Variants in ZCCHC14 observed in about 807,000 individuals in gnomAD.
The protein encoded by ZCCHC14 is zinc finger CCHC-type containing 14.
A neutral mutation model predicts 85.0 loss-of-function variants in ZCCHC14; 16 were observed. That is an observed-to-expected ratio of 0.19 (90% CI 0.13 to 0.29). The LOEUF is 0.29. Ranked by LOEUF, ZCCHC14 falls within the 10% of genes least tolerant of loss-of-function variation. ZCCHC14 has a pLI of 1.00. For synonymous variants in ZCCHC14, 775 were observed against 630.7 expected (o/e 1.23, Z -3.43); for missense variants, 1,303 against 1,443.5 (o/e 0.90, Z 1.58).
intron 2 of ZCCHC14, among the ~76,000 whole-genome samples, chr16:87,439,592 C>G (rs1277579141): frequency 1.3e-5 from 2 of 152,242 alleles, no homozygotes; most frequent in African/African-American, 4.8e-5. Flanking sequence ...AGACACCTCA[C>G]TCTGATTTGA....
intron 4 of ZCCHC14, among the ~76,000 whole-genome samples, chr16:87,421,128 T>C (rs1909073846): frequency 6.6e-6 from 1 of 152,168 alleles, no homozygotes; most frequent in African/African-American, 2.4e-5. Flanking sequence ...CCAACAGAAA[T>C]GCCGGAGCCC....
chr16:87,448,634 T>G (rs1910550140), intron 2 of ZCCHC14, among the ~76,000 whole-genome samples: 1 of 152,184 alleles, frequency 6.6e-6, no homozygotes, highest in South Asian at 2.1e-4. Flanking sequence ...TTTGCTCTGG[T>G]GGTCACTTTT....
chr16:87,491,708 C>T lies in ZCCHC14; in HGVS notation c.531G>A (p.Gly177=). The part of the protein sequence containing the change: ...GGGHGGKGAP[G]PGGALPTCPA... ...GGCAAGTGGGCAGCGCGCCGCCCGG[C>T]CCGGGCGCGCCCTTGCCGCCGTGGC... The change falls in exon 1 of 13, where the codon GGG becomes GGA. Residue 177 remains glycine, a synonymous_variant. Coordinates refer to ENST00000671377, the MANE Select transcript of ZCCHC14 (RefSeq NM_015144.3). This position sits in a 1 kb window ranked among gnomAD's most constrained non-coding sequence, Gnocchi z 5.9. The T allele has an allele frequency of 3.3e-6, 5 of 1,497,678 alleles. No homozygotes were observed. The highest frequency in any genetic ancestry group is 4.4e-6 in the Non-Finnish European group (5 of 1,131,554). 92.8% of individuals were successfully genotyped at this position (1,497,678 alleles called of 1,614,324 possible).
intron 3 of ZCCHC14, among the ~76,000 whole-genome samples, chr16:87,429,805 C>A (rs910566641): frequency 3.3e-5 from 5 of 152,206 alleles, no homozygotes; most frequent in African/African-American, 1.2e-4. Flanking sequence ...GAGGGTTTTG[C>A]CATCTTGGCT....
intron 1 of ZCCHC14, among the ~76,000 whole-genome samples, chr16:87,489,672 A>C (rs554167244): frequency 2.0e-5 from 3 of 152,238 alleles, no homozygotes; most frequent in Admixed American, 2.0e-4. Context: ...TGGCCTTGGG[A>C]CTGGGGTGTA....
At chr16:87,483,882 A>G (rs548478464) in intron 1 of ZCCHC14, among the ~76,000 whole-genome samples, 1 of 152,224 alleles carries the variant, frequency 6.6e-6, no homozygotes, top group Non-Finnish European at 1.5e-5. Flanking sequence ...CATGTAGGTG[A>G]TATGTATATA....
At chr16:87,424,832 C>G (rs1670350371) in intron 3 of ZCCHC14, among the ~76,000 whole-genome samples, 1 of 152,076 alleles carries the variant, frequency 6.6e-6, no homozygotes. Context: ...GAGGCCAGGT[C>G]AGGAAGGGAC....
chr16:87,467,485 T>C (rs1911578866), intron 1 of ZCCHC14: 2 of 1,606,138 alleles, frequency 1.2e-6, no homozygotes, highest in South Asian at 1.1e-5. Context: ...GGAGGACAGA[T>C]GTACCACTAT....
chr16:87,492,907 C>CGCGGCGGCGGCGGCGACG lies in ZCCHC14; in HGVS notation c.-687_-670dup, dbSNP rs1343606139. On this transcript the variant is annotated 5_prime_UTR_variant, in exon 1 of 13. Transcript: ENST00000671377. This position sits in a 1 kb window ranked among gnomAD's most constrained non-coding sequence, Gnocchi z 6.7. ...CGCGGCGGACGGATCCGGGCCCGAG[C>CGCGGCGGCGGCGGCGACG]GCGGCGGCGGCGGCGACGGCGACGG... 1.0e-4 allele frequency among the ~76,000 whole-genome samples: 15 copies of CGCGGCGGCGGCGGCGACG among 148,084 alleles called. No homozygotes were observed. Among genetic ancestry groups the CGCGGCGGCGGCGGCGACG allele is most frequent in the Admixed American group, 6.7e-4 (10 of 15,000 alleles).
chr16:87,481,553 A>G (rs1323968540), intron 1 of ZCCHC14, among the ~76,000 whole-genome samples: 241 of 3,916 alleles, frequency 0.062, no homozygotes, highest in Admixed American at 0.078. Context: ...GGGGGGGGGG[A>G]AGGGTAAGCG....
chr16:87,449,158 G>C (rs1315626172), intron 2 of ZCCHC14, among the ~76,000 whole-genome samples: 1 of 152,172 alleles, frequency 6.6e-6, no homozygotes, highest in Non-Finnish European at 1.5e-5. Flanking sequence ...GCTCATCTTG[G>C]GTGCTCCTGA....
chr16:87,413,924 G>C (rs1908624787), intron 10 of ZCCHC14, among the ~76,000 whole-genome samples: 1 of 152,232 alleles, frequency 6.6e-6, no homozygotes, highest in African/African-American at 2.4e-5. Flanking sequence ...AGCAACTTCA[G>C]GGAGGTGACT....
intron 2 of ZCCHC14, among the ~76,000 whole-genome samples, chr16:87,455,887 C>T (rs2150755008): frequency 6.6e-6 from 1 of 152,202 alleles, no homozygotes; most frequent in East Asian, 1.9e-4. Context: ...ATTTTGCCCA[C>T]CTGCAGGCTA....
intron 1 of ZCCHC14, among the ~76,000 whole-genome samples, chr16:87,476,057 G>C (rs531401032): frequency 6.6e-6 from 1 of 152,192 alleles, no homozygotes; most frequent in Non-Finnish European, 1.5e-5. Context: ...GAGAGACAGG[G>C]TCTCGACTTC....
chr16:87,444,172 C>T (rs1328128187), intron 2 of ZCCHC14, among the ~76,000 whole-genome samples: 1 of 152,130 alleles, frequency 6.6e-6, no homozygotes, highest in African/African-American at 2.4e-5. Context: ...CAGATTTTGG[C>T]TTCTAAAACC....
chr16:87,437,760 C>G (rs563141341), intron 2 of ZCCHC14, among the ~76,000 whole-genome samples: 17 of 152,332 alleles, frequency 1.1e-4, no homozygotes, highest in Admixed American at 5.2e-4. Flanking sequence ...GATCACACAG[C>G]CTTCGATAAA....
At chr16:87,447,478 ACACGGGCCCTGCTTT>A (rs1910498479) in intron 2 of ZCCHC14, among the ~76,000 whole-genome samples, 1 of 152,224 alleles carries the variant, frequency 6.6e-6, no homozygotes. Flanking sequence ...ACAGGACCAT[ACACGGGCCCTGCTTT>A]CATTCAACAT....
At chr16:87,482,286 G>A (rs1301663520) in intron 1 of ZCCHC14, among the ~76,000 whole-genome samples, 2 of 152,162 alleles carry the variant, frequency 1.3e-5, no homozygotes, top group African/African-American at 4.8e-5. Flanking sequence ...AACCACAGCT[G>A]AAAAGGTCAC....
chr16:87,476,112 G>A (rs35808515), intron 1 of ZCCHC14, among the ~76,000 whole-genome samples: 25,612 of 152,168 alleles, frequency 0.17, 3,158 homozygotes, highest in South Asian at 0.58. Flanking sequence ...AGGACCTCAC[G>A]TCCAGTGCAA....
Sources: gnomAD v4.1 joint callset for allele counts (sites outside exome capture counted in the v4.1 genomes callset) on GRCh38, gnomAD v4.1.1 for gene constraint, Gnocchi (gnomAD v3.1) non-coding constraint, MANE v1.5 for transcripts, NCBI Gene and HGNC (gene_info 2026-07-23, HGNC 2026-07-21) for gene names.